TMTC2: variants seen among roughly 807,000 people sequenced by gnomAD.
TMTC2 encodes protein O-mannosyl-transferase TMTC2.
A neutral mutation model predicts 82.4 loss-of-function variants in TMTC2; 43 were observed. That is an observed-to-expected ratio of 0.52 (90% CI 0.41 to 0.67). The LOEUF (loss-of-function observed/expected upper bound fraction) is 0.67. TMTC2 is among the 30% of genes least tolerant of loss of function. TMTC2 has a pLI of 0.00. For missense variants in TMTC2, 919 were observed against 1,012.4 expected (o/e 0.91, Z 1.25); for synonymous variants, 408 against 381.9 (o/e 1.07, Z -0.80).
chr12:82,945,678 A>C (rs1446405168), intron 4 of TMTC2, among the ~76,000 whole-genome samples: 1 of 152,192 alleles, frequency 6.6e-6, no homozygotes, highest in Non-Finnish European at 1.5e-5. Context: ...TCTGCTCCTG[A>C]AGAAAAATGA....
At chr12:82,738,677 T>C (rs552043145) in intron 1 of TMTC2, among the ~76,000 whole-genome samples, 3 of 152,340 alleles carry the variant, frequency 2.0e-5, no homozygotes, top group East Asian at 3.9e-4. Flanking sequence ...CTGTCATTCA[T>C]ATGGAATGAG....
intron 11 of TMTC2, among the ~76,000 whole-genome samples, chr12:83,096,118 A>T (rs1174388232): frequency 6.6e-6 from 1 of 152,240 alleles, no homozygotes; most frequent in Non-Finnish European, 1.5e-5. Flanking sequence ...TATCTGGCAG[A>T]GTGTATAGTT....
chr12:82,982,143 A>C (rs1458210797), intron 7 of TMTC2, among the ~76,000 whole-genome samples: 1 of 151,866 alleles, frequency 6.6e-6, no homozygotes, highest in East Asian at 1.9e-4. Context: ...AGATGTTAGT[A>C]GGTACTCAGT....
intron 7 of TMTC2, among the ~76,000 whole-genome samples, chr12:82,980,685 T>C (rs1033175769): frequency 6.6e-5 from 10 of 151,838 alleles, no homozygotes; most frequent in African/African-American, 2.4e-4. Context: ...GGCAGCTTTT[T>C]AATAAAGAAA....
At chr12:82,979,514 C>G (rs1878828078) in intron 7 of TMTC2, among the ~76,000 whole-genome samples, 1 of 151,668 alleles carries the variant, frequency 6.6e-6, no homozygotes, top group African/African-American at 2.4e-5. Context: ...TTAATTCTTT[C>G]TGTTTATTTC....
intron 7 of TMTC2, among the ~76,000 whole-genome samples, chr12:82,985,153 G>A (rs1173477264): frequency 2.0e-5 from 3 of 151,886 alleles, no homozygotes; most frequent in Non-Finnish European, 2.9e-5. Context: ...TGATCTCCCC[G>A]GCTCAGGTGA....
chr12:83,110,818 G>A lies in TMTC2; in HGVS notation c.2332-21392G>A, dbSNP rs1023850169. On this transcript the variant is annotated intron_variant, in intron 11 of 11. Transcript: ENST00000321196. Reference sequence around the variant, plus strand: ...TCACACCCAAACTCTCAGGGATCTTGCCCTCTCTCATGGTGTTAAAGGACA... The same window carrying A: ...TCACACCCAAACTCTCAGGGATCTTACCCTCTCTCATGGTGTTAAAGGACA... Among the ~76,000 whole-genome samples the A allele has an allele frequency of 1.3e-4, 20 of 152,232 alleles. No individual in the cohort carries two copies. The East Asian group carries it at 1.4e-3, about 10-fold the overall frequency.
At chr12:82,747,507 C>G (rs1293880812) in intron 1 of TMTC2, among the ~76,000 whole-genome samples, 1 of 152,024 alleles carries the variant, frequency 6.6e-6, no homozygotes, top group East Asian at 1.9e-4. Flanking sequence ...GGTAATTTCT[C>G]TGTCATAATG....
intron 1 of TMTC2, among the ~76,000 whole-genome samples, chr12:82,710,699 T>C (rs1009784213): frequency 6.6e-6 from 1 of 152,148 alleles, no homozygotes; most frequent in African/African-American, 2.4e-5. Flanking sequence ...CAAATATGGG[T>C]GAATCATTGA....
intron 1 of TMTC2, among the ~76,000 whole-genome samples, chr12:82,830,430 T>G (rs540069469): frequency 3.3e-5 from 5 of 152,220 alleles, no homozygotes; most frequent in African/African-American, 1.2e-4. Context: ...GAGAATAGTT[T>G]ATTGGTGATA....
chr12:82,753,077 A>G (rs1436271960), intron 1 of TMTC2, among the ~76,000 whole-genome samples: 1 of 151,946 alleles, frequency 6.6e-6, no homozygotes, highest in African/African-American at 2.4e-5. Flanking sequence ...AGAAATATAT[A>G]CCCTGTTGAC....
intron 7 of TMTC2, among the ~76,000 whole-genome samples, chr12:82,983,402 T>G (rs1879014069): frequency 6.6e-6 from 1 of 151,974 alleles, no homozygotes; most frequent in African/African-American, 2.4e-5. Flanking sequence ...TTAGAAGTTC[T>G]TACTGAAAAA....
In TMTC2 at chr12:82,937,282, C is replaced by CT. The variant is rs377488444; in HGVS notation, c.1598+6746dup. On this transcript the variant is annotated intron_variant, in intron 4 of 11. Coordinates refer to ENST00000321196, the MANE Select transcript of TMTC2 (RefSeq NM_152588.3). ...AACCTGTAAAAGAATCCTTCCTTGC[C>CT]TTTTTTTTTGTGGTTTCTTGGCAAT... Among the ~76,000 whole-genome samples the CT allele has an allele frequency of 2.5e-3, 379 of 151,258 alleles. 1 individual carries two copies. Among genetic ancestry groups the CT allele is most frequent in the African/African-American group, 7.5e-3 (309 of 41,246 alleles).
intron 11 of TMTC2, among the ~76,000 whole-genome samples, chr12:83,110,216 C>A (rs1204323368): frequency 6.6e-6 from 1 of 152,158 alleles, no homozygotes; most frequent in Non-Finnish European, 1.5e-5. Flanking sequence ...CCAATTCAAA[C>A]CAACCTCTTC....
intron 9 of TMTC2, among the ~76,000 whole-genome samples, chr12:83,031,488 G>A (rs1881428757): frequency 6.6e-6 from 1 of 152,150 alleles, no homozygotes; most frequent in South Asian, 2.1e-4. Flanking sequence ...TGTTTAGTGA[G>A]GCAAAGTATA....
intron 1 of TMTC2, among the ~76,000 whole-genome samples, 193 bp downstream of exon 1, chr12:82,687,862 T>C (rs1872400586): frequency 6.6e-6 from 1 of 151,998 alleles, no homozygotes; most frequent in Admixed American, 6.6e-5. Flanking sequence ...GCCGAGGGAG[T>C]TTCCGCTCCT....
intron 11 of TMTC2, among the ~76,000 whole-genome samples, chr12:83,089,943 A>C (rs1411972522): frequency 6.6e-6 from 1 of 152,210 alleles, no homozygotes; most frequent in African/African-American, 2.4e-5. Context: ...ATATCCTATA[A>C]TTGCATTTTG....
intron 1 of TMTC2, among the ~76,000 whole-genome samples, chr12:82,708,511 A>G (rs1051300386): frequency 1.3e-5 from 2 of 152,180 alleles, no homozygotes; most frequent in African/African-American, 4.8e-5. Context: ...TGCTACTATA[A>G]TCGTTACAGG....
chr12:83,112,420 A>G (rs961055193), intron 11 of TMTC2, among the ~76,000 whole-genome samples: 1 of 152,216 alleles, frequency 6.6e-6, no homozygotes, highest in Non-Finnish European at 1.5e-5. Flanking sequence ...CATCTCTTAG[A>G]TGAACCAAAG....
Sources: allele counts gnomAD v4.1 joint callset (sites outside exome capture counted in the v4.1 genomes callset), GRCh38; gene constraint gnomAD v4.1.1; transcripts MANE v1.5; gene names NCBI Gene and HGNC (gene_info 2026-07-23, HGNC 2026-07-21).